Variants in SRPX observed in about 807,000 individuals in gnomAD.
SRPX encodes the protein sushi repeat-containing protein SRPX.
SRPX carries 24 observed loss-of-function variants against 38.1 expected under a neutral mutation model. The ratio of observed to expected loss-of-function variants is 0.63; its 90% CI spans 0.46 to 0.89. SRPX has a LOEUF of 0.89. SRPX is among the 40% of genes least tolerant of loss of function. The pLI, the probability that SRPX is intolerant of heterozygous loss-of-function variation, is 0.00. For missense variants in SRPX, 416 were observed against 377.8 expected (o/e 1.10, Z -0.84); for synonymous variants, 184 against 153.8 (o/e 1.20, Z -1.45).
At chrX:38,161,115 G>A (rs1424264321) in intron 5 of SRPX, 61 bp from the exon 6 acceptor site, 6 of 1,167,449 alleles carry the variant, frequency 5.1e-6, no homozygotes, top group Non-Finnish European at 6.9e-6. Flanking sequence ...AGCAAGTGAC[G>A]ATCCCCTACT....
intron 1 of SRPX, among the ~76,000 whole-genome samples, chrX:38,212,259 G>T (rs1455851598): frequency 8.9e-6 from 1 of 111,810 alleles, no homozygotes; most frequent in Admixed American, 9.5e-5. Flanking sequence ...ATTTGTTTTT[G>T]AGTTAGAGAA....
intron 1 of SRPX, among the ~76,000 whole-genome samples, chrX:38,197,018 T>A (rs1939011590): frequency 8.9e-6 from 1 of 112,101 alleles, no homozygotes; most frequent in African/African-American, 3.2e-5. Flanking sequence ...TCAGCATGTT[T>A]GAGAACTGTC....
At chrX:38,150,040 C>T in intron 9 of SRPX, 146 bp from the exon 10 acceptor site, 1 of 466,052 alleles carries the variant, frequency 2.1e-6, no homozygotes, top group Non-Finnish European at 3.3e-6. Context: ...CCTGTCTACT[C>T]CAACTGTGAC....
At chrX:38,188,095 C>T (rs1938820947) in intron 1 of SRPX, among the ~76,000 whole-genome samples, 1 of 111,238 alleles carries the variant, frequency 9.0e-6, no homozygotes, top group Admixed American at 9.6e-5. Context: ...TCCTTACATC[C>T]CTAAATAAGT....
chrX:38,172,048 C>A lies in SRPX; in HGVS notation c.359G>T (p.Cys120Phe). 1 of 1,207,187 alleles carries A rather than the reference C, an allele frequency of 8.3e-7. No individual in the cohort carries two copies. Among genetic ancestry groups the A allele is most frequent in the Non-Finnish European group, 1.1e-6 (1 of 892,778 alleles). ...SDKVICKQKRCPTLAMPANGG... is the reference protein window; with the variant it reads ...SDKVICKQKRFPTLAMPANGG... ...ATTTGCTGGCATGGCAAGGGTAGGACATCGCTTTTCTGAAAATGAGAAAAT... is the reference window on the plus strand; with the variant it reads ...ATTTGCTGGCATGGCAAGGGTAGGAAATCGCTTTTCTGAAAATGAGAAAAT... The change falls in exon 4 of 10, where the codon TGT becomes TTT. Residue 120 changes from cysteine (C) to phenylalanine (F), a missense_variant. Transcript: ENST00000378533.
intron 1 of SRPX, 81 bp downstream of exon 1, chrX:38,220,615 T>C: frequency 8.8e-7 from 1 of 1,137,587 alleles, no homozygotes; most frequent in Non-Finnish European, 1.2e-6. Flanking sequence ...CACCTCCCTC[T>C]ATCCCGAGCG....
At chrX:38,177,766 T>C (rs1046829648) in intron 2 of SRPX, among the ~76,000 whole-genome samples, 3 of 111,897 alleles carry the variant, frequency 2.7e-5, no homozygotes, top group South Asian at 3.7e-4. Context: ...TGGGAATATG[T>C]AGAGATGGAG....
intron 1 of SRPX, among the ~76,000 whole-genome samples, chrX:38,184,098 C>T (rs1047764425): frequency 7.2e-5 from 8 of 111,468 alleles, no homozygotes; most frequent in African/African-American, 2.6e-4. Context: ...ATTGAAATTA[C>T]ATCAGGAGAC....
At chrX:38,195,382 G>GT (rs10710053) in intron 1 of SRPX, among the ~76,000 whole-genome samples, 1,827 of 87,909 alleles carry the variant, frequency 0.021, 55 homozygotes, top group African/African-American at 0.067. Context: ...GGTGTTTGTG[G>GT]TTTTTTTTTT....
Position 38,220,822 on chromosome X carries a change from G to A in SRPX, c.-30C>T. On this transcript the variant is annotated 5_prime_UTR_variant, in exon 1 of 10. Coordinates refer to ENST00000378533, the MANE Select transcript of SRPX (RefSeq NM_006307.5). ...AGCGGGCGCTTAGCTCGCCTCGGCAGCGCAGCGCGCTTCCCGGGGGCGGCA... is the reference window on the plus strand; with the variant it reads ...AGCGGGCGCTTAGCTCGCCTCGGCAACGCAGCGCGCTTCCCGGGGGCGGCA... 9.4e-7 allele frequency: 1 copy of A among 1,067,930 alleles called. No homozygotes were observed. Among genetic ancestry groups the A allele is most frequent in the East Asian group, 3.8e-5 (1 of 26,624 alleles). 88.0% of individuals were successfully genotyped at this position (1,067,930 alleles called of 1,213,427 possible).
chrX:38,204,604 C>T (rs985465278), intron 1 of SRPX, among the ~76,000 whole-genome samples: 2 of 111,714 alleles, frequency 1.8e-5, no homozygotes, highest in African/African-American at 6.5e-5. Context: ...TTGGGATTCA[C>T]AAAAGTGGGA....
At chrX:38,198,760 G>A (rs1415445547) in intron 1 of SRPX, among the ~76,000 whole-genome samples, 3 of 111,641 alleles carry the variant, frequency 2.7e-5, no homozygotes, top group South Asian at 3.8e-4. Context: ...AAGGTGACTC[G>A]TTGCATAATA....
intron 1 of SRPX, among the ~76,000 whole-genome samples, chrX:38,200,626 T>A (rs1359339429): frequency 9.0e-6 from 1 of 110,676 alleles, no homozygotes; most frequent in Non-Finnish European, 1.9e-5. Context: ...CAGAAGGGAG[T>A]ACATGAGACA....
intron 3 of SRPX, 108 bp downstream of exon 3, chrX:38,174,052 T>A: frequency 1.6e-6 from 1 of 641,735 alleles, no homozygotes; most frequent in Non-Finnish European, 2.1e-6. Flanking sequence ...CCCCTGATCA[T>A]AAGGAGAATT....
In SRPX at chrX:38,149,674, A is replaced by G. The variant is rs764259792; in HGVS notation, c.*37T>C. The G allele has an allele frequency of 8.5e-7, 1 of 1,175,798 alleles. No individual in the cohort carries two copies. The highest frequency in any genetic ancestry group is 2.3e-5 in the Admixed American group (1 of 44,220). The stretch of plus-strand genomic sequence containing the variant: ...TTCCCGTGTGCATGTCACTATGTAG[A>G]CAATGAAGAGGAATTGCCAAGAGAG... On this transcript the variant is annotated 3_prime_UTR_variant, in exon 10 of 10. Coordinates refer to ENST00000378533, the MANE Select transcript of SRPX (RefSeq NM_006307.5).
chrX:38,189,440 A>G (rs1167095585), intron 1 of SRPX, among the ~76,000 whole-genome samples: 1 of 111,875 alleles, frequency 8.9e-6, no homozygotes, highest in African/African-American at 3.2e-5. Flanking sequence ...TCATTCAGTG[A>G]CTAGAATGTA....
intron 1 of SRPX, among the ~76,000 whole-genome samples, chrX:38,200,527 A>T (rs776241065): frequency 8.9e-6 from 1 of 112,107 alleles, no homozygotes; most frequent in East Asian, 2.8e-4. Flanking sequence ...AAGTCTATTC[A>T]GCTCACAGTT....
At chrX:38,171,846 G>A (rs1309408103) in intron 4 of SRPX, 35 bp downstream of exon 4, 1 of 1,202,231 alleles carries the variant, frequency 8.3e-7, no homozygotes, top group Admixed American at 2.2e-5. Flanking sequence ...TCCTCCCAAA[G>A]CAAGTGCCTC....
At chrX:38,206,597 C>T (rs1447373377) in intron 1 of SRPX, among the ~76,000 whole-genome samples, 1 of 111,869 alleles carries the variant, frequency 8.9e-6, no homozygotes. Flanking sequence ...CCAGCTTAGC[C>T]ATTGTCTGAG....
Sources: gnomAD v4.1 joint callset for allele counts (sites outside exome capture counted in the v4.1 genomes callset) on GRCh38, gnomAD v4.1.1 for gene constraint, MANE v1.5 for transcripts, NCBI Gene and HGNC (gene_info 2026-07-23, HGNC 2026-07-21) for gene names.